CSMD3: variants seen among roughly 807,000 people sequenced by gnomAD.
CSMD3 encodes CUB and Sushi multiple domains 3.
CSMD3 carries 177 observed loss-of-function variants against 435.2 expected under a neutral mutation model. That is an observed-to-expected ratio of 0.41 (90% confidence interval 0.36 to 0.46). CSMD3 has a LOEUF of 0.46. Ranked by LOEUF, CSMD3 falls within the 20% of genes least tolerant of loss-of-function variation. The pLI is 0.34. For missense variants in CSMD3, 4,265 were observed against 4,504.6 expected, an observed-to-expected ratio of 0.95 and a Z score of 1.52; for synonymous variants, 1,656 against 1,520.5, an observed-to-expected ratio of 1.09 and a Z score of -2.07.
chr8:112,499,047 T>C (rs1413749788), intron 30 of CSMD3, among the ~76,000 whole-genome samples: 1 of 152,108 alleles, frequency 6.6e-6, no homozygotes, highest in Non-Finnish European at 1.5e-5. Context: ...ACTTGTATTT[T>C]AGAATATGTG....
At chr8:112,408,219 C>A (rs1832030005) in intron 34 of CSMD3, 99 bp downstream of exon 34, 1 of 878,052 alleles carries the variant, frequency 1.1e-6, no homozygotes, top group Non-Finnish European at 1.9e-6. Context: ...TGCTTAAAAA[C>A]ACTTTTATCT....
chr8:112,838,407 T>A (rs1324735941), intron 11 of CSMD3, among the ~76,000 whole-genome samples: 3 of 151,698 alleles, frequency 2.0e-5, no homozygotes, highest in Non-Finnish European at 3.0e-5. Context: ...ATTTTTTACA[T>A]GCTCATTTTG....
At chr8:112,876,228 A>G (rs1238386915) in intron 10 of CSMD3, among the ~76,000 whole-genome samples, 2 of 152,154 alleles carry the variant, frequency 1.3e-5, no homozygotes, top group Non-Finnish European at 2.9e-5. Context: ...AGACAGATTC[A>G]TAGCCAAACT....
At chr8:112,293,463 T>C (rs1819974227) in intron 54 of CSMD3, among the ~76,000 whole-genome samples, 1 of 152,082 alleles carries the variant, frequency 6.6e-6, no homozygotes, top group Non-Finnish European at 1.5e-5. Context: ...AAATGTGTGC[T>C]TGTGAAGTAA....
intron 32 of CSMD3, among the ~76,000 whole-genome samples, chr8:112,455,788 T>A (rs1347631692): frequency 1.3e-5 from 2 of 151,884 alleles, no homozygotes; most frequent in Non-Finnish European, 2.9e-5. Flanking sequence ...GCTCTTAGAT[T>A]ACACAGCATG....
chr8:112,967,755 G>T (rs924568346), intron 7 of CSMD3, among the ~76,000 whole-genome samples: 1 of 151,592 alleles, frequency 6.6e-6, no homozygotes, highest in African/African-American at 2.4e-5. Flanking sequence ...ATAAAGCAGG[G>T]TCTACTAAGT....
In CSMD3 at chr8:112,494,524, TTTCTTTCTTTCTTTC is replaced by T. The variant is rs1193445451; in HGVS notation, c.5084-1856_5084-1842del. Reference sequence around the variant, plus strand: ...CTTTCTTTCTTTCTTTCTTTCTTTCTTTCTTTCTTTCTTTCTTTCTTTCTTTCTTTCTTTCTTTCT... The same window carrying T: ...CTTTCTTTCTTTCTTTCTTTCTTTCTTTTCTTTCTTTCTTTCTTTCTTTCT... On this transcript the variant is annotated intron_variant, in intron 30 of 70. Coordinates refer to ENST00000297405, the MANE Select transcript of CSMD3 (RefSeq NM_198123.2). Among the ~76,000 whole-genome samples, 8 of 138,048 alleles carry T rather than the reference TTTCTTTCTTTCTTTC, an allele frequency of 5.8e-5. No homozygotes were observed. In the East Asian group the frequency reaches 1.7e-3, roughly 28 times the overall value. The allele number at this position is 138,048 out of a possible 152,430, so 90.6% of individuals were successfully genotyped here. A position where few individuals can be genotyped will look rare whatever the true frequency, so the allele number is the denominator to read the frequency against.
Position 112,244,540 on chromosome 8 carries a change from T to C in CSMD3, c.10256A>G (p.His3419Arg), listed in dbSNP as rs1393313552. The part of the protein sequence containing the change: ...HSCKQPETPA[H>R]ANVVGMDLPS... Reference sequence around the variant, plus strand: ...AAGGTCCATCCCTACGACATTTGCATGAGCAGGAGTTTCTGGCTGTTTACA... The same window carrying C: ...AAGGTCCATCCCTACGACATTTGCACGAGCAGGAGTTTCTGGCTGTTTACA... The change falls in exon 65 of 71, where the codon CAT (histidine) becomes CGT (arginine). Residue 3419 changes from histidine to arginine, a missense_variant. Physicochemically the swap from His to Arg is conservative, Grantham distance 29 (BLOSUM62 0). Around this residue, in one of 3 missense-constraint regions of CSMD3, gnomAD observed 3,255 missense variants for 3,380.2 expected, o/e 0.96. Transcript: ENST00000297405. The C allele has an allele frequency of 1.9e-6, 3 of 1,613,766 alleles. No homozygotes were observed. In the South Asian group the frequency reaches 3.3e-5, roughly 18 times the overall value.
intron 3 of CSMD3, among the ~76,000 whole-genome samples, chr8:113,198,339 T>C (rs1006686366): frequency 2.6e-5 from 4 of 151,344 alleles, no homozygotes; most frequent in African/African-American, 9.7e-5. Flanking sequence ...TGTATATACA[T>C]ACTATATATG....
intron 44 of CSMD3, among the ~76,000 whole-genome samples, chr8:112,336,136 T>C (rs1483530357): frequency 6.6e-6 from 1 of 152,104 alleles, no homozygotes; most frequent in African/African-American, 2.4e-5. Flanking sequence ...TATTGAATTC[T>C]TGGGATGAAG....
chr8:112,468,610 A>G (rs1294915787), intron 32 of CSMD3, among the ~76,000 whole-genome samples: 1 of 152,138 alleles, frequency 6.6e-6, no homozygotes, highest in Non-Finnish European at 1.5e-5. Context: ...TCTATACGAA[A>G]TGAAAAGTAA....
Position 113,197,042 on chromosome 8 carries a change from A to G in CSMD3, c.515-23126T>C, listed in dbSNP as rs546658226. 2.6e-4 allele frequency among the ~76,000 whole-genome samples: 40 copies of G among 151,370 alleles called. No individual in the cohort carries two copies. In the South Asian group the frequency reaches 6.6e-3, roughly 25 times the overall value. ...CCATTTTTGTATTTTAGCCCAGAGT[A>G]CAGGACATAAAAAGTGTTCAATAAA... On this transcript the variant is annotated intron_variant, in intron 3 of 70. Transcript: ENST00000297405.
At chr8:112,633,512 C>T (rs1439411062) in intron 22 of CSMD3, among the ~76,000 whole-genome samples, 2 of 152,016 alleles carry the variant, frequency 1.3e-5, no homozygotes, top group African/African-American at 4.8e-5. Context: ...TGAGATATTA[C>T]ACGACAGAAT....
chr8:113,413,610 A>G (rs1226673968), intron 1 of CSMD3, among the ~76,000 whole-genome samples: 1 of 152,202 alleles, frequency 6.6e-6, no homozygotes, highest in Non-Finnish European at 1.5e-5. Flanking sequence ...CGAAATGACT[A>G]TAAATTAAAT....
intron 2 of CSMD3, among the ~76,000 whole-genome samples, chr8:113,295,067 T>C (rs568020755): frequency 3.3e-5 from 5 of 152,278 alleles, no homozygotes; most frequent in African/African-American, 1.2e-4. Context: ...CAGGTGCATA[T>C]ATTTATGGGG....
At chr8:112,823,537 T>C (rs1320605827) in intron 12 of CSMD3, among the ~76,000 whole-genome samples, 2 of 152,154 alleles carry the variant, frequency 1.3e-5, no homozygotes, top group African/African-American at 4.8e-5. Flanking sequence ...TTCTCATTGG[T>C]TTTACAGAAC....
chr8:112,479,115 A>G (rs372949407), intron 31 of CSMD3, among the ~76,000 whole-genome samples: 2 of 152,218 alleles, frequency 1.3e-5, no homozygotes, highest in Non-Finnish European at 2.9e-5. Context: ...CTGCGAGTAC[A>G]AACTATAACA....
intron 35 of CSMD3, among the ~76,000 whole-genome samples, chr8:112,395,849 A>C (rs1004420511): frequency 1.3e-5 from 2 of 152,196 alleles, no homozygotes; most frequent in Non-Finnish European, 2.9e-5. Flanking sequence ...AGTCTTCAGC[A>C]TAAGTTTTAT....
intron 12 of CSMD3, among the ~76,000 whole-genome samples, chr8:112,804,372 T>C (rs978905306): frequency 3.3e-5 from 5 of 151,902 alleles, no homozygotes. Context: ...AAGAACTATT[T>C]AGTAAAAGGC....
Sources: gnomAD v4.1 joint callset for allele counts (sites outside exome capture counted in the v4.1 genomes callset) on GRCh38, gnomAD v4.1.1 for gene constraint, gnomAD v4.1.1 regional missense constraint, MANE v1.5 for transcripts, NCBI Gene and HGNC (gene_info 2026-07-23, HGNC 2026-07-21) for gene names.